SCN2A: variants seen among roughly 807,000 people sequenced by gnomAD.
SCN2A encodes the protein sodium channel protein type 2 subunit alpha.
A neutral mutation model predicts 188.7 loss-of-function variants in SCN2A; 20 were observed. The ratio of observed to expected loss-of-function variants is 0.11; its 90% confidence interval spans 0.07 to 0.15. The LOEUF (loss-of-function observed/expected upper bound fraction) is 0.15. Among genes scored for constraint, SCN2A ranks in the 10% least tolerant of loss-of-function variants. The pLI is 1.00. For missense variants in SCN2A, 1,278 were observed against 2,445.0 expected (o/e 0.52, Z 10.07); for synonymous variants, 804 against 833.1 (o/e 0.97, Z 0.60).
intron 7 of SCN2A, 51 bp from the exon 8 acceptor site, chr2:165,311,974 A>C: frequency 7.4e-7 from 1 of 1,342,808 alleles, no homozygotes; most frequent in Non-Finnish European, 1.1e-6. Flanking sequence ...GGGTGGCTGA[A>C]GTGTTTTACA....
At position 165,388,524 on chromosome 2, in the gene SCN2A, C is replaced by T; in HGVS notation, c.4823-105C>T. On this transcript the variant is annotated intron_variant, in intron 26 of 26. Transcript: ENST00000375437. ...CAGATTATTTGCATATATACATGTA[C>T]CTAACTGTCCTGTTCACATTTTGTA... is the stretch of plus-strand genomic sequence containing the variant. 9 of 1,470,738 alleles carry T rather than the reference C, an allele frequency of 6.1e-6. No homozygotes were observed. In the South Asian group the frequency reaches 1.1e-4, roughly 18 times the overall value. 91.1% of individuals were successfully genotyped at this position (1,470,738 alleles called of 1,614,324 possible).
At chr2:165,246,655 G>A (rs558160688) in intron 1 of SCN2A, among the ~76,000 whole-genome samples, 141 of 152,022 alleles carry the variant, frequency 9.3e-4, no homozygotes, top group African/African-American at 3.4e-3. Flanking sequence ...AAACTCCTCC[G>A]CTCAGTGTTT....
rs1700082579 is a variant in SCN2A, at chr2:165,354,488, T to C, written c.3216T>C (p.Asn1072=). The stretch of plus-strand genomic sequence containing the variant: ...ACCTCAATTATCTCAAAGACGGAAA[T>C]GGAACTACTAGTGGCATAGGCAGCA... ...GKDLNYLKDG[N]GTTSGIGSSV... Residue 1072 remains asparagine, a synonymous_variant, in exon 17 of 27, where the codon AAT becomes AAC. Coordinates refer to ENST00000375437, the MANE Select transcript of SCN2A (RefSeq NM_001040142.2). 2.5e-6 allele frequency: 4 copies of C among 1,614,036 alleles called. No individual in the cohort carries two copies. The highest frequency in any genetic ancestry group is 2.2e-5 in the East Asian group (1 of 44,858).
At chr2:165,309,271 G>T (rs773412222) in intron 5 of SCN2A, 81 bp from the exon 6 acceptor site, 9 of 1,613,136 alleles carry the variant, frequency 5.6e-6, no homozygotes, top group Non-Finnish European at 7.6e-6. Context: ...GAAGAAAATG[G>T]TATAAGGTGG....
chr2:165,311,338 C>G (rs1480051578), intron 7 of SCN2A, among the ~76,000 whole-genome samples: 1 of 151,996 alleles, frequency 6.6e-6, no homozygotes, highest in Non-Finnish European at 1.5e-5. Flanking sequence ...CTGAGATCAT[C>G]TTTGCAACTT....
intron 23 of SCN2A, among the ~76,000 whole-genome samples, chr2:165,378,860 A>G (rs1384469757): frequency 6.6e-6 from 1 of 151,890 alleles, no homozygotes; most frequent in Non-Finnish European, 1.5e-5. Flanking sequence ...AACTTTAATT[A>G]GTAAATTGCA....
At chr2:165,387,604 A>T (rs1361510972) in intron 26 of SCN2A, among the ~76,000 whole-genome samples, 1 of 152,166 alleles carries the variant, frequency 6.6e-6, no homozygotes, top group Non-Finnish European at 1.5e-5. Context: ...ATGTTAGGAT[A>T]CATACATACA....
intron 10 of SCN2A, among the ~76,000 whole-genome samples, chr2:165,314,494 A>G (rs1003414241): frequency 2.6e-5 from 4 of 152,192 alleles, no homozygotes; most frequent in African/African-American, 9.6e-5. Context: ...TTGCAGTATC[A>G]CCAGAGGTGG....
chr2:165,280,213 A>G (rs1327009266), intron 1 of SCN2A, among the ~76,000 whole-genome samples: 3 of 152,178 alleles, frequency 2.0e-5, no homozygotes, highest in Admixed American at 2.0e-4. Flanking sequence ...GTTTATCTCT[A>G]CTATGTACTC....
chr2:165,252,236 G>A (rs1453510428), intron 1 of SCN2A, among the ~76,000 whole-genome samples: 1 of 151,962 alleles, frequency 6.6e-6, no homozygotes, highest in Non-Finnish European at 1.5e-5. Context: ...CTGCATATCT[G>A]AATGCATCAA....
chr2:165,281,078 A>G (rs961234078), intron 1 of SCN2A, among the ~76,000 whole-genome samples: 5 of 152,108 alleles, frequency 3.3e-5, no homozygotes, highest in Admixed American at 2.6e-4. Context: ...TAAATTAGCC[A>G]GGCAAGGTGG....
chr2:165,340,261 T>A (rs1355268896), intron 14 of SCN2A, among the ~76,000 whole-genome samples: 1 of 152,190 alleles, frequency 6.6e-6, no homozygotes, highest in African/African-American at 2.4e-5. Context: ...AAAAGTGCTA[T>A]CTATTATTTA....
chr2:165,296,796 T>G, intron 2 of SCN2A: 1 of 344,236 alleles, frequency 2.9e-6, no homozygotes, highest in Non-Finnish European at 5.3e-6. Context: ...ATGGCATTGA[T>G]CACAAATTTT....
At chr2:165,302,088 C>G (rs1358342034) in intron 3 of SCN2A, among the ~76,000 whole-genome samples, 1 of 152,138 alleles carries the variant, frequency 6.6e-6, no homozygotes, top group African/African-American at 2.4e-5. Flanking sequence ...CTCCAACTTA[C>G]TGATTCATTA....
At position 165,239,561 on chromosome 2, in the gene SCN2A, C is replaced by T. The variant is rs1033392198; in HGVS notation, c.-131C>T. 6.6e-6 allele frequency: 6 copies of T among 909,776 alleles called. No individual in the cohort carries two copies. The highest frequency in any genetic ancestry group is 7.9e-6 in the Non-Finnish European group (6 of 761,182). 56.4% of individuals were successfully genotyped at this position (909,776 alleles called of 1,614,324 possible). ...TTTACTTTCTACTCCAGTAAAAATT[C>T]TGAAGAATTGCATTGGAGACTGTTA... On this transcript the variant is annotated 5_prime_UTR_variant, in exon 1 of 27. Coordinates refer to ENST00000375437, the MANE Select transcript of SCN2A (RefSeq NM_001040142.2).
chr2:165,274,372 A>C (rs1252804129), intron 1 of SCN2A: 3 of 151,522 alleles, frequency 2.0e-5, no homozygotes. Flanking sequence ...TTAAAAAAAA[A>C]AAAAAAGAAA....
intron 1 of SCN2A, among the ~76,000 whole-genome samples, chr2:165,261,881 TGA>T (rs1204977476): frequency 6.6e-6 from 1 of 152,230 alleles, no homozygotes; most frequent in African/African-American, 2.4e-5. Context: ...ATCTATACAA[TGA>T]AAATGGCTTT....
chr2:165,312,329 A>T (rs531515105), intron 8 of SCN2A, among the ~76,000 whole-genome samples: 1 of 152,258 alleles, frequency 6.6e-6, no homozygotes, highest in Admixed American at 6.5e-5. Flanking sequence ...TTCAATGTAA[A>T]ATAGAGAATA....
chr2:165,252,883 T>G (rs1417357261), intron 1 of SCN2A, among the ~76,000 whole-genome samples: 3 of 151,980 alleles, frequency 2.0e-5, no homozygotes, highest in Non-Finnish European at 4.4e-5. Context: ...TGCTTCATCT[T>G]GAAAGTAAGT....
Sources: gnomAD v4.1 joint callset for allele counts (sites outside exome capture counted in the v4.1 genomes callset) on GRCh38, gnomAD v4.1.1 for gene constraint, MANE v1.5 for transcripts, NCBI Gene and HGNC (gene_info 2026-07-23, HGNC 2026-07-21) for gene names.